The following PGBD2 variants were observed in gnomAD, a reference collection of about 807,000 sequenced individuals.
PGBD2 encodes piggyBac transposable element-derived protein 2.
In PGBD2, 6 loss-of-function variants were observed where a neutral mutation model predicts 8.1. The ratio of observed to expected loss-of-function variants is 0.74; its 90% CI spans 0.40 to 1.46. The LOEUF (loss-of-function observed/expected upper bound fraction) is 1.46, where lower values mean the gene tolerates loss of function less well. PGBD2 is among the 40% of genes most tolerant of loss of function. PGBD2 has a pLI of 0.02. For missense variants in PGBD2, 802 were observed against 739.0 expected, an observed-to-expected ratio of 1.09 and a Z score of -0.99; for synonymous variants, 318 against 272.2, an observed-to-expected ratio of 1.17 and a Z score of -1.66.
the PGBD2 span, among the ~76,000 whole-genome samples, chr1:248,873,322 C>A: frequency 1.3e-5 from 2 of 152,236 alleles, no homozygotes; most frequent in Non-Finnish European, 1.5e-5. Flanking sequence ...TGACCTAGGA[C>A]CTCCCGATCC....
chr1:248,887,035 GTA>G, the PGBD2 span, among the ~76,000 whole-genome samples: 1 of 152,094 alleles, frequency 6.6e-6, no homozygotes, highest in Non-Finnish European at 1.5e-5. Flanking sequence ...GCATGCATAT[GTA>G]TATGTATTTG....
Position 248,918,553 on chromosome 1 carries a change from T to G in PGBD2, c.*190T>G. 1 of 352,072 alleles carries G rather than the reference T, an allele frequency of 2.8e-6. No homozygotes were observed. The highest frequency in any genetic ancestry group is 5.2e-6 in the Non-Finnish European group (1 of 192,068). The allele number at this position is 352,072 out of a possible 1,614,324, so 21.8% of individuals were successfully genotyped here. ...TGTTATGCCTACATGTGATATAAAT[T>G]AATATTTATATTCATTTATATTTAT... is the stretch of plus-strand genomic sequence containing the variant. On this transcript the variant is annotated 3_prime_UTR_variant, in exon 3 of 3. Transcript: ENST00000329291.
chr1:248,892,273 C>T, the PGBD2 span, among the ~76,000 whole-genome samples: 45 of 127,388 alleles, frequency 3.5e-4, no homozygotes, highest in East Asian at 2.4e-3. Context: ...CTCCCTCCCT[C>T]CCTTCCTTCC....
At chr1:248,899,464 C>G in the PGBD2 span, among the ~76,000 whole-genome samples, 1 of 151,986 alleles carries the variant, frequency 6.6e-6, no homozygotes, top group Admixed American at 6.5e-5. Flanking sequence ...CACACCACTA[C>G]GTAGAAATTG....
Position 248,917,654 on chromosome 1 carries a change from T to C in PGBD2, c.1070T>C (p.Val357Ala), listed in dbSNP as rs2103117352. Residue 357 changes from valine (V) to alanine (A), a missense_variant, in exon 3 of 3, where the codon GTT (valine) becomes GCT (alanine). Val to Ala is a moderately conservative substitution (Grantham distance 64). Transcript: ENST00000329291. ...TTTTTTGACAAGGTTTTCACAAGTGTTAAACTGATGTCCATTTTGAGGAAA... is the reference window on the plus strand; with the variant it reads ...TTTTTTGACAAGGTTTTCACAAGTGCTAAACTGATGTCCATTTTGAGGAAA... ...HIFFDKVFTS[V>A]KLMSILRKKG... is the part of the protein sequence containing the mutation. 2 of 1,614,204 alleles carry C rather than the reference T, an allele frequency of 1.2e-6. No individual in the cohort carries two copies. The highest frequency in any genetic ancestry group is 4.5e-5 in the East Asian group (2 of 44,886).
chr1:248,879,075 A>G, the PGBD2 span, among the ~76,000 whole-genome samples: 3 of 152,256 alleles, frequency 2.0e-5, no homozygotes, highest in African/African-American at 7.2e-5. Context: ...TTGTCTTAAC[A>G]GCCACCTGAA....
At chr1:248,920,194 A>C (rs1390177270), downstream of PGBD2, among the ~76,000 whole-genome samples, 1 of 152,016 alleles carries the variant, frequency 6.6e-6, no homozygotes, top group Non-Finnish European at 1.5e-5. Context: ...CATGTGCAGA[A>C]TGTGCAGTTT....
upstream of PGBD2, among the ~76,000 whole-genome samples, chr1:248,903,647 T>C (rs570873881): frequency 6.6e-6 from 1 of 152,234 alleles, no homozygotes; most frequent in Non-Finnish European, 1.5e-5. Context: ...CCATTAATCA[T>C]GGGCGCTTGG....
the PGBD2 span, among the ~76,000 whole-genome samples, chr1:248,901,093 G>A: frequency 6.6e-6 from 1 of 152,218 alleles, no homozygotes; most frequent in Admixed American, 6.5e-5. Flanking sequence ...AATCAGAGAG[G>A]ACACAAACAA....
chr1:248,924,353 A>T (rs1662344785), downstream of PGBD2, among the ~76,000 whole-genome samples: 1 of 152,206 alleles, frequency 6.6e-6, no homozygotes, highest in Non-Finnish European at 1.5e-5. Context: ...TTGACAGAAT[A>T]ACGGGATAAA....
At position 248,917,932 on chromosome 1, in the gene PGBD2, C is replaced by A. The variant is rs763553975; in HGVS notation, c.1348C>A (p.Pro450Thr). The A allele has an allele frequency of 6.2e-7, 1 of 1,614,136 alleles. No individual in the cohort carries two copies. The highest frequency in any genetic ancestry group is 1.1e-5 in the South Asian group (1 of 91,078). ...TAAAACGCGGACTCAGGTCCACCAG[C>A]CATCACTGGTGAAGCTGTATCAGGA... is the stretch of plus-strand genomic sequence containing the variant. ...AAKTRTQVHQPSLVKLYQEKV... is the reference protein window; with the variant it reads ...AAKTRTQVHQTSLVKLYQEKV... The change falls in exon 3 of 3, where the codon CCA (proline) becomes ACA (threonine). Residue 450 changes from proline to threonine, a missense_variant. Transcript: ENST00000329291.
At chr1:248,922,169 C>T (rs538563231), downstream of PGBD2, among the ~76,000 whole-genome samples, 2 of 151,898 alleles carry the variant, frequency 1.3e-5, no homozygotes, top group South Asian at 2.1e-4. Context: ...ACGCCATTCT[C>T]CTGCCTCAGT....
intron 2 of PGBD2, among the ~76,000 whole-genome samples, chr1:248,916,183 G>A (rs566144839): frequency 5.9e-4 from 90 of 152,264 alleles, no homozygotes; most frequent in African/African-American, 2.1e-3. Context: ...GGAGGCTGAG[G>A]CAGGTGGATC....
the PGBD2 span, among the ~76,000 whole-genome samples, chr1:248,890,843 CCA>C: frequency 1.1e-3 from 169 of 150,990 alleles, 1 homozygote; most frequent in Non-Finnish European, 1.6e-3. Flanking sequence ...CCCACACACA[CCA>C]CACACCTCCC....
Position 248,913,827 on chromosome 1 carries a change from C to G in PGBD2, c.-36C>G, listed in dbSNP as rs1189486926. 15 of 1,580,422 alleles carry G rather than the reference C, an allele frequency of 9.5e-6. No individual in the cohort carries two copies. The highest frequency in any genetic ancestry group is 1.2e-5 in the Non-Finnish European group (14 of 1,149,362). On this transcript the variant is annotated 5_prime_UTR_variant, in exon 2 of 3. Transcript: ENST00000329291. ...TTCTTGTCTTACAGGTTCTTAGACT[C>G]TGTGAGTAAAGACAGCTTCATCTTC...
At chr1:248,915,843 A>G (rs1454052814) in intron 2 of PGBD2, among the ~76,000 whole-genome samples, 1 of 152,210 alleles carries the variant, frequency 6.6e-6, no homozygotes, top group African/African-American at 2.4e-5. Context: ...GGAATGAGGG[A>G]AACTTCTATT....
chr1:248,898,586 C>G, the PGBD2 span, among the ~76,000 whole-genome samples: 173 of 152,300 alleles, frequency 1.1e-3, no homozygotes, highest in African/African-American at 4.0e-3. Flanking sequence ...CCAGGCCTGC[C>G]TGGCAGGAGC....
chr1:248,920,976 C>G (rs1239090904), downstream of PGBD2, among the ~76,000 whole-genome samples: 1 of 147,550 alleles, frequency 6.8e-6, no homozygotes. Context: ...TCTTTGCCTA[C>G]TTTTTGATGG....
At position 248,918,601 on chromosome 1, in the gene PGBD2, A is replaced by G. The variant is rs1409022331; in HGVS notation, c.*238A>G. 1.4e-5 allele frequency: 3 copies of G among 214,600 alleles called. No individual in the cohort carries two copies. Among genetic ancestry groups the G allele is most frequent in the Non-Finnish European group, 2.9e-5 (3 of 101,696 alleles). The allele number at this position is 214,600 out of a possible 1,614,324, so 13.3% of individuals were successfully genotyped here. ...TATATTTTTGAACTTATTTATTTAA[A>G]GTTATGGATCACTTTTTATTCAAAT... is the stretch of plus-strand genomic sequence containing the variant. On this transcript the variant is annotated 3_prime_UTR_variant, in exon 3 of 3. Transcript: ENST00000329291.
Sources: allele counts gnomAD v4.1 joint callset (sites outside exome capture counted in the v4.1 genomes callset), GRCh38; gene constraint gnomAD v4.1.1; transcripts MANE v1.5; gene names NCBI Gene and HGNC (gene_info 2026-07-23, HGNC 2026-07-21).